The following DMXL2 variants were observed in gnomAD, a reference collection of about 807,000 sequenced individuals.
DMXL2 encodes Dmx like 2.
In DMXL2, 103 loss-of-function variants were observed where a neutral mutation model predicts 331.1. That is an observed-to-expected ratio of 0.31 (90% CI 0.27 to 0.37). The LOEUF is 0.37. Among genes scored for constraint, DMXL2 ranks in the 10% least tolerant of loss-of-function variants. DMXL2 has a pLI of 1.00. For missense variants in DMXL2, 3,171 were observed against 3,642.9 expected (o/e 0.87, Z 3.33); for synonymous variants, 1,281 against 1,252.1 (o/e 1.02, Z -0.49).
At chr15:51,484,834 G>A (rs2042270360) in intron 23 of DMXL2, among the ~76,000 whole-genome samples, 1 of 151,842 alleles carries the variant, frequency 6.6e-6, no homozygotes, top group African/African-American at 2.4e-5. Context: ...AATGAAATCA[G>A]GCAAAGAATA....
At chr15:51,563,886 CT>C (rs928541594) in intron 5 of DMXL2, among the ~76,000 whole-genome samples, 2 of 152,076 alleles carry the variant, frequency 1.3e-5, no homozygotes, top group African/African-American at 4.8e-5. Context: ...TGTATCAACC[CT>C]GTCAACTCCT....
At chr15:51,483,192 C>T (rs1402548411) in intron 23 of DMXL2, among the ~76,000 whole-genome samples, 2 of 152,192 alleles carry the variant, frequency 1.3e-5, no homozygotes, top group Non-Finnish European at 2.9e-5. Context: ...CGCAACGGCA[C>T]TGACCCAGAT....
At chr15:51,465,698 A>G in intron 30 of DMXL2, 47 bp from the exon 31 acceptor site, 1 of 1,360,620 alleles carries the variant, frequency 7.3e-7, no homozygotes, top group Non-Finnish European at 1.0e-6. Flanking sequence ...AAATAAAATC[A>G]TGGGAGAAAC....
chr15:51,546,465 G>A (rs1372947641), intron 7 of DMXL2, among the ~76,000 whole-genome samples: 3 of 151,998 alleles, frequency 2.0e-5, no homozygotes, highest in Non-Finnish European at 2.9e-5. Flanking sequence ...TCTCTACAAT[G>A]TGTGCTATAT....
chr15:51,480,998 A>T lies in DMXL2; in HGVS notation c.6108T>A (p.Asp2036Glu). 6.2e-7 allele frequency: 1 copy of T among 1,614,160 alleles called. No homozygotes were observed. The highest frequency in any genetic ancestry group is 8.5e-7 in the Non-Finnish European group (1 of 1,180,022). ...EDDPEGDTEV[D>E]VIAEQLKFRA... ...TGAATTTTAGTTGTTCAGCAATCACATCAACTTCAGTATCACCTTCAGGAT... is the reference window on the plus strand; with the variant it reads ...TGAATTTTAGTTGTTCAGCAATCACTTCAACTTCAGTATCACCTTCAGGAT... Residue 2036 changes from aspartate (D) to glutamate (E), a missense_variant, in exon 24 of 44, where the codon GAT becomes GAA. Around this residue, in one of 7 missense-constraint regions of DMXL2, gnomAD observed 244 missense variants for 251.4 expected, o/e 0.97. Coordinates refer to ENST00000560891, the MANE Select transcript of DMXL2 (RefSeq NM_001378457.1).
intron 13 of DMXL2, among the ~76,000 whole-genome samples, chr15:51,531,967 T>C (rs1043168103): frequency 1.4e-4 from 22 of 151,978 alleles, no homozygotes; most frequent in Non-Finnish European, 2.9e-4. Flanking sequence ...AGTATGGAGG[T>C]TGCTCACAAA....
In DMXL2 at chr15:51,549,015, A is replaced by G. The variant is rs77936438; in HGVS notation, c.568-1607T>C. ...GAACAGGTAGTGTTTGGTTACATGA[A>G]TAAGTTCTTCAGTGGTGATTTGTGG... On this transcript the variant is annotated intron_variant, in intron 6 of 43. Transcript: ENST00000560891. Among the ~76,000 whole-genome samples, 401 of 151,976 alleles carry G rather than the reference A, an allele frequency of 2.6e-3. 17 individuals are homozygous for G. In the East Asian group the frequency reaches 0.062, roughly 23 times the overall value.
chr15:51,514,391 A>T (rs757418546), intron 15 of DMXL2, 51 bp downstream of exon 15: 11 of 1,081,812 alleles, frequency 1.0e-5, no homozygotes, highest in Middle Eastern at 2.3e-4. Context: ...AAACTTAGAG[A>T]TCATTTTTTA....
At chr15:51,575,326 A>G (rs2050950980) in intron 2 of DMXL2, among the ~76,000 whole-genome samples, 1 of 152,156 alleles carries the variant, frequency 6.6e-6, no homozygotes, top group African/African-American at 2.4e-5. Context: ...CAATTTCTAG[A>G]ACACTAAGAT....
intron 29 of DMXL2, among the ~76,000 whole-genome samples, chr15:51,467,438 C>T (rs915979818): frequency 6.6e-6 from 1 of 151,968 alleles, no homozygotes; most frequent in Non-Finnish European, 1.5e-5. Context: ...AGGAAAAATA[C>T]CATAATCTCA....
At chr15:51,563,979 A>G (rs2050122321) in intron 5 of DMXL2, 146 bp downstream of exon 5, 1 of 744,872 alleles carries the variant, frequency 1.3e-6, no homozygotes, top group Non-Finnish European at 2.1e-6. Flanking sequence ...ATGCTATTAT[A>G]TGGGTTTTGG....
Position 51,481,451 on chromosome 15 carries a change from G to A in DMXL2, c.5655C>T (p.Phe1885=). 1 of 1,612,816 alleles carries A rather than the reference G, an allele frequency of 6.2e-7. No homozygotes were observed. The highest frequency in any genetic ancestry group is 8.5e-7 in the Non-Finnish European group (1 of 1,179,500). ...TAAAATGAGCATTTGCAGTGGTAAA[G>A]AATAATTTTCTTTCTATGAGGTTAA... ...DKINLIERKL[F]FTTANAHFKV... Residue 1885 remains phenylalanine, a synonymous_variant, in exon 24 of 44, where the codon TTC becomes TTT. Coordinates refer to ENST00000560891, the MANE Select transcript of DMXL2 (RefSeq NM_001378457.1).
intron 1 of DMXL2, among the ~76,000 whole-genome samples, chr15:51,602,970 T>A (rs892867820): frequency 6.6e-6 from 1 of 152,192 alleles, no homozygotes; most frequent in Non-Finnish European, 1.5e-5. Context: ...AAGACACAGA[T>A]GTTGAAATCA....
At chr15:51,549,601 C>T (rs1486683157) in intron 6 of DMXL2, among the ~76,000 whole-genome samples, 1 of 152,136 alleles carries the variant, frequency 6.6e-6, no homozygotes, top group Non-Finnish European at 1.5e-5. Flanking sequence ...TCCCTTTATA[C>T]CACATCCCCA....
chr15:51,563,756 T>C (rs2050106879), intron 5 of DMXL2, among the ~76,000 whole-genome samples: 1 of 152,094 alleles, frequency 6.6e-6, no homozygotes, highest in Non-Finnish European at 1.5e-5. Context: ...CCCTGACTAG[T>C]CTTCGTCACA....
intron 29 of DMXL2, 55 bp from the exon 30 acceptor site, chr15:51,466,366 A>C (rs946973629): frequency 3.2e-5 from 22 of 689,188 alleles, no homozygotes; most frequent in Admixed American, 4.5e-5. Flanking sequence ...TAAACATATA[A>C]AATATATTTT....
intron 19 of DMXL2, 61 bp downstream of exon 19, chr15:51,494,963 C>A: frequency 3.4e-6 from 4 of 1,193,052 alleles, no homozygotes; most frequent in Non-Finnish European, 5.0e-6. Flanking sequence ...AAACATGATA[C>A]ACCCCATCGC....
At position 51,622,498 on chromosome 15, in the gene DMXL2, G is replaced by C. The variant is rs769815776; in HGVS notation, c.48C>G (p.Asn16Lys). 6.4e-7 allele frequency: 1 copy of C among 1,570,248 alleles called. No homozygotes were observed. Among genetic ancestry groups the C allele is most frequent in the South Asian group, 1.2e-5 (1 of 85,504 alleles). ...CCCCGACGCTGCCCACGGAGTAGCA[G>C]TTGTCTCCAGGGTTGACAGCTCCGG... is the stretch of plus-strand genomic sequence containing the variant. ...VLTGAVNPGD[N>K]CYSVGSVGDV... The change falls in exon 1 of 44, where the codon AAC (asparagine) becomes AAG (lysine). Residue 16 changes from asparagine to lysine, a missense_variant. Around this residue, in one of 7 missense-constraint regions of DMXL2, gnomAD observed 1,674 missense variants for 1,780.2 expected, o/e 0.94. Transcript: ENST00000560891.
chr15:51,471,784 G>C (rs2041137178), intron 28 of DMXL2, among the ~76,000 whole-genome samples: 1 of 152,200 alleles, frequency 6.6e-6, no homozygotes, highest in Non-Finnish European at 1.5e-5. Flanking sequence ...AAGAAGGGCA[G>C]AAGTTCAATG....
Sources: allele counts gnomAD v4.1 joint callset (sites outside exome capture counted in the v4.1 genomes callset), GRCh38; gene constraint gnomAD v4.1.1; regional missense constraint gnomAD v4.1.1; transcripts MANE v1.5; gene names NCBI Gene and HGNC (gene_info 2026-07-23, HGNC 2026-07-21).